ENTREP2: variants seen among roughly 807,000 people sequenced by gnomAD.
ENTREP2 encodes the protein endosomal transmembrane epsin interactor 2.
the ENTREP2 span, among the ~76,000 whole-genome samples, chr15:29,362,793 G>A: frequency 6.6e-6 from 1 of 152,100 alleles, no homozygotes; most frequent in Non-Finnish European, 1.5e-5. Context: ...CAAGTGAAGT[G>A]ACTTAAGCAA....
At chr15:29,301,842 A>G in the ENTREP2 span, among the ~76,000 whole-genome samples, 1 of 152,200 alleles carries the variant, frequency 6.6e-6, no homozygotes, top group African/African-American at 2.4e-5. Flanking sequence ...CCCTTCCACC[A>G]TGTGAGGACA....
At chr15:29,510,182 A>G in the ENTREP2 span, among the ~76,000 whole-genome samples, 1 of 152,252 alleles carries the variant, frequency 6.6e-6, no homozygotes, top group Non-Finnish European at 1.5e-5. Flanking sequence ...AGAAATGCAA[A>G]TAAGAACCAC....
the ENTREP2 span, among the ~76,000 whole-genome samples, chr15:29,366,489 A>G: frequency 3.3e-5 from 5 of 152,104 alleles, no homozygotes; most frequent in African/African-American, 1.2e-4. Flanking sequence ...GACAAAGTAC[A>G]GCCTGATAAA....
chr15:29,640,176 GC>G, the ENTREP2 span, among the ~76,000 whole-genome samples: 1 of 152,088 alleles, frequency 6.6e-6, no homozygotes, highest in Non-Finnish European at 1.5e-5. Context: ...TGAATGAGAA[GC>G]CATTGCCACC....
the ENTREP2 span, among the ~76,000 whole-genome samples, chr15:29,441,736 C>T: frequency 2.7e-5 from 4 of 149,654 alleles, no homozygotes; most frequent in African/African-American, 9.9e-5. Flanking sequence ...TGTATTGCTT[C>T]CTGACTCCAT....
chr15:29,422,227 G>A, the ENTREP2 span, among the ~76,000 whole-genome samples: 8 of 151,812 alleles, frequency 5.3e-5, no homozygotes, highest in South Asian at 2.1e-4. Flanking sequence ...CCGAGGTCGC[G>A]CCATTGCACT....
chr15:29,200,651 T>C, the ENTREP2 span, among the ~76,000 whole-genome samples: 2 of 152,074 alleles, frequency 1.3e-5, no homozygotes, highest in African/African-American at 4.8e-5. Flanking sequence ...TTCTGCCTTC[T>C]GGATTCAAGC....
chr15:29,210,493 G>T, the ENTREP2 span, among the ~76,000 whole-genome samples: 2 of 152,192 alleles, frequency 1.3e-5, no homozygotes, highest in South Asian at 2.1e-4. Flanking sequence ...CAGATCATCA[G>T]CAGCATTATA....
chr15:29,644,901 T>C, the ENTREP2 span, among the ~76,000 whole-genome samples: 2 of 151,216 alleles, frequency 1.3e-5, no homozygotes, highest in Admixed American at 6.6e-5. Flanking sequence ...CCAAAGTTAC[T>C]AACCCAGTCA....
chr15:29,208,077 C>G, the ENTREP2 span, among the ~76,000 whole-genome samples: 3 of 152,134 alleles, frequency 2.0e-5, no homozygotes, highest in Non-Finnish European at 4.4e-5. Context: ...CTGAGACTGC[C>G]TTTTGTGTCC....
At chr15:29,344,119 G>T in the ENTREP2 span, among the ~76,000 whole-genome samples, 2 of 152,138 alleles carry the variant, frequency 1.3e-5, 1 homozygote, top group Admixed American at 1.3e-4. Flanking sequence ...CCACCAGGTG[G>T]GCAAACATAA....
the ENTREP2 span, among the ~76,000 whole-genome samples, chr15:29,545,474 A>T: frequency 6.6e-6 from 1 of 152,240 alleles, no homozygotes; most frequent in African/African-American, 2.4e-5. Flanking sequence ...CAGTTTTGTG[A>T]TCTTGAGTAA....
chr15:29,496,990 C>G, the ENTREP2 span, among the ~76,000 whole-genome samples: 1 of 152,064 alleles, frequency 6.6e-6, no homozygotes, highest in Non-Finnish European at 1.5e-5. Context: ...AAACTTAATC[C>G]CCAATGCAAC....
At chr15:29,651,707 G>A in the ENTREP2 span, among the ~76,000 whole-genome samples, 5 of 152,364 alleles carry the variant, frequency 3.3e-5, no homozygotes, top group Admixed American at 2.0e-4. Flanking sequence ...GCCCAGCTGG[G>A]TGTATACACA....
the ENTREP2 span, among the ~76,000 whole-genome samples, chr15:29,662,498 G>T: frequency 6.6e-6 from 1 of 152,018 alleles, no homozygotes; most frequent in Non-Finnish European, 1.5e-5. Flanking sequence ...CCCCTCCTTT[G>T]TATGGTCTTT....
the ENTREP2 span, among the ~76,000 whole-genome samples, chr15:29,341,699 T>C: frequency 6.6e-6 from 1 of 152,000 alleles, no homozygotes; most frequent in Non-Finnish European, 1.5e-5. Context: ...AGTGAAGTAC[T>C]CCCGGGTCTT....
At chr15:29,569,563 CAA>C in the ENTREP2 span, 11 of 152,206 alleles carry the variant, frequency 7.2e-5, no homozygotes, top group Non-Finnish European at 1.2e-4. Flanking sequence ...TTACAGATGT[CAA>C]GAGTTCTCAG....
At chr15:29,344,931 GACACACACACACACACACACACAC>G in the ENTREP2 span, among the ~76,000 whole-genome samples, 1 of 142,496 alleles carries the variant, frequency 7.0e-6, no homozygotes, top group Non-Finnish European at 1.6e-5. Context: ...CACGCGCGCA[GACACACACACACACACACACACAC>G]ACACACACAC....
the ENTREP2 span, among the ~76,000 whole-genome samples, chr15:29,456,830 G>A: frequency 4.5e-3 from 692 of 152,292 alleles, 4 homozygotes; most frequent in African/African-American, 0.015. Flanking sequence ...AAGGCAGGAG[G>A]CTGGAACACA....
Sources: allele counts gnomAD v4.1 joint callset (sites outside exome capture counted in the v4.1 genomes callset), GRCh38; gene constraint gnomAD v4.1.1; transcripts MANE v1.5; gene names NCBI Gene and HGNC (gene_info 2026-07-23, HGNC 2026-07-21).